ADK: variants seen among roughly 807,000 people sequenced by gnomAD.
The protein encoded by ADK is adenosine kinase.
ADK carries 24 observed loss-of-function variants against 44.7 expected under a neutral mutation model. The ratio of observed to expected loss-of-function variants is 0.54; its 90% CI spans 0.39 to 0.76. ADK has a LOEUF of 0.76. Among genes scored for constraint, ADK ranks in the 30% least tolerant of loss-of-function variants. The pLI is 0.00. For synonymous variants in ADK, 128 were observed against 142.6 expected (o/e 0.90, Z 0.73); for missense variants, 321 against 425.1 (o/e 0.76, Z 2.15).
chr10:74,200,723 C>T (rs1843348958), intron 1 of ADK, 41 bp from the exon 2 acceptor site: 2 of 1,360,196 alleles, frequency 1.5e-6, no homozygotes, highest in Admixed American at 1.7e-5. Flanking sequence ...TATCAACTTA[C>T]TTTTAGAAGT....
intron 4 of ADK, among the ~76,000 whole-genome samples, chr10:74,320,336 A>C (rs72818531): frequency 0.011 from 1,736 of 152,262 alleles, 12 homozygotes; most frequent in Middle Eastern, 0.02. Context: ...TCTTATTCTT[A>C]CTGAGAATCC....
At chr10:74,595,969 C>T (rs887808688) in intron 8 of ADK, among the ~76,000 whole-genome samples, 6 of 145,070 alleles carry the variant, frequency 4.1e-5, no homozygotes, top group African/African-American at 1.3e-4. Context: ...TGCACTCCAG[C>T]CTGGGCAACA....
chr10:74,680,182 G>T (rs1352864512), intron 10 of ADK, among the ~76,000 whole-genome samples: 5 of 151,928 alleles, frequency 3.3e-5, no homozygotes, highest in Non-Finnish European at 5.9e-5. Flanking sequence ...GAGTGTGGTG[G>T]CAGACGCCTG....
Position 74,221,009 on chromosome 10 carries a change from G to T in ADK, c.141-3529G>T, listed in dbSNP as rs1423859461. Among the ~76,000 whole-genome samples the T allele has an allele frequency of 2.1e-4, 31 of 148,754 alleles. 1 individual carries two copies. Among genetic ancestry groups the T allele is most frequent in the Middle Eastern group, 6.9e-3 (2 of 288 alleles). On this transcript the variant is annotated intron_variant, in intron 2 of 10. Transcript: ENST00000539909. ...ACTCCTATTCAACATAGTGTTGGAA[G>T]TTCTGGCCAGGGCAATCAGGCAGGA...
intron 3 of ADK, among the ~76,000 whole-genome samples, chr10:74,288,471 G>A (rs1164956361): frequency 1.3e-5 from 2 of 152,046 alleles, no homozygotes; most frequent in Non-Finnish European, 2.9e-5. Flanking sequence ...CCAACATAGC[G>A]AAACCCCATC....
chr10:74,634,941 A>G (rs1453076074), intron 9 of ADK, among the ~76,000 whole-genome samples: 2 of 152,148 alleles, frequency 1.3e-5, no homozygotes, highest in South Asian at 2.1e-4. Flanking sequence ...GCAAGACTCC[A>G]TCTCAGAAAA....
chr10:74,565,165 G>A (rs1485710373), intron 7 of ADK, among the ~76,000 whole-genome samples: 1 of 152,234 alleles, frequency 6.6e-6, no homozygotes, highest in Non-Finnish European at 1.5e-5. Flanking sequence ...CTCTGGGAAA[G>A]TTTGGTGAAA....
intron 3 of ADK, among the ~76,000 whole-genome samples, chr10:74,253,166 A>T (rs1845707864): frequency 6.6e-6 from 1 of 152,230 alleles, no homozygotes; most frequent in Admixed American, 6.5e-5. Context: ...AAGAAAATAG[A>T]TTTATTGAAC....
intron 3 of ADK, among the ~76,000 whole-genome samples, chr10:74,281,642 A>T (rs1241425921): frequency 6.6e-6 from 1 of 152,228 alleles, no homozygotes; most frequent in East Asian, 1.9e-4. Context: ...ATAATTCCTC[A>T]GATTGACTTA....
At chr10:74,164,760 G>A (rs1453153743) in intron 1 of ADK, among the ~76,000 whole-genome samples, 2 of 151,978 alleles carry the variant, frequency 1.3e-5, no homozygotes, top group Admixed American at 6.6e-5. Context: ...CCCCATATTT[G>A]TGTAGCATTC....
intron 1 of ADK, among the ~76,000 whole-genome samples, chr10:74,163,940 G>A (rs1841968621): frequency 6.6e-6 from 1 of 152,112 alleles, no homozygotes; most frequent in Admixed American, 6.5e-5. Context: ...TGAGACCTTA[G>A]TTATCATTTT....
chr10:74,419,178 CT>C (rs1844471644), intron 6 of ADK, among the ~76,000 whole-genome samples: 1 of 152,140 alleles, frequency 6.6e-6, no homozygotes, highest in African/African-American at 2.4e-5. Flanking sequence ...TGTATTTACA[CT>C]CTAAAATGAC....
chr10:74,655,307 G>GA, intron 9 of ADK: 1 of 449,640 alleles, frequency 2.2e-6, no homozygotes, highest in African/African-American at 2.0e-5. Flanking sequence ...AAATGATGAA[G>GA]AAAAAAGGAA....
At chr10:74,223,926 TA>T (rs1014452639) in intron 2 of ADK, among the ~76,000 whole-genome samples, 1 of 152,020 alleles carries the variant, frequency 6.6e-6, no homozygotes, top group Non-Finnish European at 1.5e-5. Flanking sequence ...CCTTCTCTAC[TA>T]AAAATACAAA....
intron 9 of ADK, among the ~76,000 whole-genome samples, chr10:74,614,326 T>G (rs886974185): frequency 2.6e-5 from 4 of 152,120 alleles, no homozygotes; most frequent in African/African-American, 9.7e-5. Context: ...TAAGTCAGAT[T>G]TGTTGAGATA....
Position 74,708,474 on chromosome 10 carries a change from G to C in ADK, c.*29G>C. 1 of 1,606,000 alleles carries C rather than the reference G, an allele frequency of 6.2e-7. No individual in the cohort carries two copies. The highest frequency in any genetic ancestry group is 1.1e-5 in the South Asian group (1 of 90,896). On this transcript the variant is annotated 3_prime_UTR_variant, in exon 11 of 11. Coordinates refer to ENST00000539909, the MANE Select transcript of ADK (RefSeq NM_006721.4). ...AAGAGCTGAAAACACAAGCCCAGGA[G>C]TGCAGACACTGCCCTAATTGCTTCC...
At chr10:74,658,411 A>G (rs1401230225) in intron 9 of ADK, among the ~76,000 whole-genome samples, 1 of 152,098 alleles carries the variant, frequency 6.6e-6, no homozygotes, top group Non-Finnish European at 1.5e-5. Context: ...CTATGAGCTA[A>G]AACAGCAGAG....
At chr10:74,433,569 T>C (rs1845073440) in intron 6 of ADK, among the ~76,000 whole-genome samples, 1 of 152,190 alleles carries the variant, frequency 6.6e-6, no homozygotes, top group Non-Finnish European at 1.5e-5. Context: ...ATAGCATTGG[T>C]TATGGGATTA....
At chr10:74,240,269 A>G (rs1409677607) in intron 3 of ADK, among the ~76,000 whole-genome samples, 1 of 152,138 alleles carries the variant, frequency 6.6e-6, no homozygotes, top group Non-Finnish European at 1.5e-5. Flanking sequence ...GACTTGTAAT[A>G]TAACAGTAAT....
Sources: allele counts gnomAD v4.1 joint callset (sites outside exome capture counted in the v4.1 genomes callset), GRCh38; gene constraint gnomAD v4.1.1; transcripts MANE v1.5; gene names NCBI Gene and HGNC (gene_info 2026-07-23, HGNC 2026-07-21).